Variants in KSR2 observed in about 807,000 individuals in gnomAD.
KSR2 encodes kinase suppressor of ras 2.
KSR2 carries 25 observed loss-of-function variants against 107.8 expected under a neutral mutation model. The ratio of observed to expected loss-of-function variants is 0.23; its 90% CI spans 0.17 to 0.32. KSR2 has a LOEUF of 0.32. Ranked by LOEUF, KSR2 falls within the 10% of genes least tolerant of loss-of-function variation. KSR2 has a pLI of 1.00. For synonymous variants in KSR2, 480 were observed against 507.0 expected (o/e 0.95, Z 0.71); for missense variants, 887 against 1,268.9 (o/e 0.70, Z 4.57).
chr12:117,589,208 T>C (rs1379695674), intron 5 of KSR2, among the ~76,000 whole-genome samples: 1 of 152,204 alleles, frequency 6.6e-6, no homozygotes, highest in African/African-American at 2.4e-5. Context: ...AAATAGTTTA[T>C]TGCAGTCTTT....
At chr12:117,559,293 GCTGTTTTATTAGCA>G (rs1877943591) in intron 7 of KSR2, among the ~76,000 whole-genome samples, 1 of 152,148 alleles carries the variant, frequency 6.6e-6, no homozygotes, top group South Asian at 2.1e-4. Context: ...ATGGATGGCA[GCTGTTTTATTAGCA>G]CTGCCCACAC....
Position 117,833,514 on chromosome 12 carries a change from G to A in KSR2, c.472+21914C>T, listed in dbSNP as rs528046130. 6.6e-5 allele frequency among the ~76,000 whole-genome samples: 10 copies of A among 151,994 alleles called. No homozygotes were observed. In the East Asian group the frequency reaches 1.2e-3, roughly 18 times the overall value. On this transcript the variant is annotated intron_variant, in intron 3 of 19. Transcript: ENST00000339824. ...AATAGCTGGGACTACAGGCACACAC[G>A]ACCAAGCCCAGCTGATTTTTTTATT...
intron 1 of KSR2, among the ~76,000 whole-genome samples, chr12:117,902,316 G>T (rs919905447): frequency 3.3e-5 from 5 of 151,710 alleles, no homozygotes; most frequent in African/African-American, 1.2e-4. Flanking sequence ...AAATTAGCTG[G>T]GCGTGGTGGC....
chr12:117,868,203 G>C (rs901171904), intron 1 of KSR2, among the ~76,000 whole-genome samples: 6 of 152,154 alleles, frequency 3.9e-5, no homozygotes, highest in African/African-American at 1.4e-4. Context: ...CAAGGTGGGT[G>C]GATCACCTGA....
chr12:117,789,735 T>G (rs1002103429), intron 3 of KSR2, among the ~76,000 whole-genome samples: 8 of 152,096 alleles, frequency 5.3e-5, no homozygotes, highest in African/African-American at 1.9e-4. Context: ...CTCCACCAAT[T>G]CCTCCTATAA....
At chr12:117,926,640 C>T (rs1895528170) in intron 1 of KSR2, among the ~76,000 whole-genome samples, 1 of 152,236 alleles carries the variant, frequency 6.6e-6, no homozygotes, top group African/African-American at 2.4e-5. Flanking sequence ...GGAGAAAAAT[C>T]ACCCAGCAGC....
chr12:117,805,495 T>A (rs186321636), intron 3 of KSR2, among the ~76,000 whole-genome samples: 1 of 152,300 alleles, frequency 6.6e-6, no homozygotes, highest in Non-Finnish European at 1.5e-5. Context: ...AGGGTTCAGG[T>A]CATGATGAAA....
At chr12:117,577,063 A>T (rs1256112762) in intron 7 of KSR2, among the ~76,000 whole-genome samples, 2 of 152,068 alleles carry the variant, frequency 1.3e-5, no homozygotes, top group African/African-American at 4.8e-5. Context: ...GAGGATATGG[A>T]CAGGGGTGGG....
chr12:117,522,174 C>T (rs896450920), intron 14 of KSR2, among the ~76,000 whole-genome samples: 3 of 152,144 alleles, frequency 2.0e-5, no homozygotes, highest in African/African-American at 7.2e-5. Context: ...AAGAGGGCCG[C>T]AAATGCAGCT....
intron 4 of KSR2, among the ~76,000 whole-genome samples, chr12:117,677,483 C>T (rs1885184631): frequency 1.3e-5 from 2 of 152,152 alleles, no homozygotes; most frequent in African/African-American, 4.8e-5. Flanking sequence ...CTGCCAACAC[C>T]TCGATCTTGG....
At chr12:117,688,779 G>T (rs142156549) in intron 4 of KSR2, among the ~76,000 whole-genome samples, 242 of 152,292 alleles carry the variant, frequency 1.6e-3, no homozygotes, top group African/African-American at 5.5e-3. Flanking sequence ...CACACGCCAT[G>T]AAGTCACTGC....
intron 9 of KSR2, among the ~76,000 whole-genome samples, chr12:117,554,348 C>G (rs1273685096): frequency 6.6e-6 from 1 of 152,120 alleles, no homozygotes; most frequent in African/African-American, 2.4e-5. Flanking sequence ...GCTCAGGGCC[C>G]CCAAAGAAAA....
At chr12:117,678,102 A>ATTTTTTTTTT (rs35096843) in intron 4 of KSR2, among the ~76,000 whole-genome samples, 1 of 127,544 alleles carries the variant, frequency 7.8e-6, no homozygotes, top group Non-Finnish European at 1.7e-5. Context: ...AGCCCAGCTA[A>ATTTTTTTTTT]TTTTTTTTTT....
chr12:117,877,171 T>C (rs923244125), intron 1 of KSR2, among the ~76,000 whole-genome samples: 83 of 152,244 alleles, frequency 5.5e-4, no homozygotes, highest in Non-Finnish European at 8.7e-4. Flanking sequence ...ACCCTGTCTC[T>C]ACTAAAAATA....
At chr12:117,691,194 T>C (rs1885796971) in intron 4 of KSR2, among the ~76,000 whole-genome samples, 1 of 152,116 alleles carries the variant, frequency 6.6e-6, no homozygotes, top group East Asian at 1.9e-4. Flanking sequence ...AGAAACAAAA[T>C]TGCTGCATTT....
intron 4 of KSR2, among the ~76,000 whole-genome samples, chr12:117,714,397 C>T (rs930651475): frequency 6.6e-6 from 1 of 151,954 alleles, no homozygotes; most frequent in Admixed American, 6.6e-5. Flanking sequence ...CCCTAGGGAG[C>T]AGCAAAGAGG....
At chr12:117,824,715 G>A (rs2137089709) in intron 3 of KSR2, among the ~76,000 whole-genome samples, 1 of 151,916 alleles carries the variant, frequency 6.6e-6, no homozygotes, top group East Asian at 1.9e-4. Context: ...ACATTAGCTG[G>A]GTGTGGTGGC....
At chr12:117,768,239 T>C (rs1351830953) in intron 3 of KSR2, among the ~76,000 whole-genome samples, 2 of 152,228 alleles carry the variant, frequency 1.3e-5, no homozygotes, top group East Asian at 3.8e-4. Flanking sequence ...ACAAGTGGAC[T>C]GGAGCTGGAG....
At chr12:117,748,996 C>A (rs1469873812) in intron 4 of KSR2, among the ~76,000 whole-genome samples, 1 of 151,370 alleles carries the variant, frequency 6.6e-6, no homozygotes, top group African/African-American at 2.4e-5. Context: ...CAGAATGGGC[C>A]CTCTGAGGGC....
Sources: gnomAD v4.1 joint callset for allele counts (sites outside exome capture counted in the v4.1 genomes callset) on GRCh38, gnomAD v4.1.1 for gene constraint, MANE v1.5 for transcripts, NCBI Gene and HGNC (gene_info 2026-07-23, HGNC 2026-07-21) for gene names.